ACO2: variants seen among roughly 807,000 people sequenced by gnomAD.
ACO2 encodes aconitase 2.
A neutral mutation model predicts 84.5 loss-of-function variants in ACO2; 31 were observed. The observed-to-expected ratio is 0.37, with a 90% CI of 0.28 to 0.50. The LOEUF (loss-of-function observed/expected upper bound fraction) is 0.50. Among genes scored for constraint, ACO2 ranks in the 20% least tolerant of loss-of-function variants. ACO2 has a pLI of 0.97. For synonymous variants in ACO2, 414 were observed against 412.7 expected (o/e 1.00, Z -0.04); for missense variants, 685 against 1,029.3 (o/e 0.67, Z 4.58).
In ACO2 at chr22:41,526,349, C is replaced by T. The variant is rs2066595648; in HGVS notation, c.1849C>T (p.Leu617=). 1 of 1,613,432 alleles carries T rather than the reference C, an allele frequency of 6.2e-7. No individual in the cohort carries two copies. Among genetic ancestry groups the T allele is most frequent in the African/African-American group, 1.3e-5 (1 of 74,936 alleles). The change falls in exon 15 of 18, where the codon CTG becomes TTG. Residue 617 remains leucine (L), a synonymous_variant. Transcript: ENST00000216254. ...GCACTTGGATAACATCTCCAACAACCTGCTCATTGGTGCCATCAACATTGA... is the reference window on the plus strand; with the variant it reads ...GCACTTGGATAACATCTCCAACAACTTGCTCATTGGTGCCATCAACATTGA... ...RGHLDNISNN[L]LIGAINIENG...
intron 1 of ACO2, among the ~76,000 whole-genome samples, chr22:41,480,032 G>C (rs1416409868): frequency 6.6e-6 from 1 of 152,190 alleles, no homozygotes; most frequent in African/African-American, 2.4e-5. Flanking sequence ...CAGTTGCATA[G>C]CAACCAAGCT....
At chr22:41,523,744 G>A (rs1172047626) in intron 11 of ACO2, 86 bp from the exon 12 acceptor site, 42 of 1,257,770 alleles carry the variant, frequency 3.3e-5, no homozygotes, top group Non-Finnish European at 4.3e-5. Context: ...GCTGGGCTGC[G>A]CCACAGGAAC....
rs1324314056 is a variant in ACO2, at chr22:41,524,608, G to A, written c.1483-238G>A. Among the ~76,000 whole-genome samples, 5 of 152,226 alleles carry A rather than the reference G, an allele frequency of 3.3e-5. No homozygotes were observed. In the East Asian group the frequency reaches 7.7e-4, roughly 23 times the overall value. On this transcript the variant is annotated intron_variant, in intron 12 of 17. Transcript: ENST00000216254. ...GGAGAGAGAACAGCACTGCCGGCCC[G>A]GCCCTGCAGGGATGGGAGAGGCCGC...
In ACO2 at chr22:41,507,941, C is replaced by A; in HGVS notation, c.324C>A (p.Leu108=). 1 of 1,614,230 alleles carries A rather than the reference C, an allele frequency of 6.2e-7. No individual in the cohort carries two copies. Among genetic ancestry groups the A allele is most frequent in the Non-Finnish European group, 8.5e-7 (1 of 1,180,042 alleles). ...ATGCGACGGCCCAGATGGCCATGCT[C>A]CAGTTCATCAGCAGCGGGCTGTCCA... ...MQDATAQMAM[L]QFISSGLSKV... The change falls in exon 3 of 18, where the codon CTC becomes CTA. Residue 108 remains leucine, a synonymous_variant. Transcript: ENST00000216254.
intron 1 of ACO2, among the ~76,000 whole-genome samples, chr22:41,471,890 C>T (rs1471057142): frequency 1.3e-5 from 2 of 152,124 alleles, no homozygotes; most frequent in South Asian, 2.1e-4. Context: ...ATTTGAATAC[C>T]GTAATGACTC....
At position 41,497,649 on chromosome 22, in the gene ACO2, G is replaced by T. The variant is rs138794668; in HGVS notation, c.37-2077G>T. Among the ~76,000 whole-genome samples, 128 of 152,248 alleles carry T rather than the reference G, an allele frequency of 8.4e-4. 5 individuals carry two copies. The East Asian group carries it at 0.022, about 26-fold the overall frequency. ...TGTAATCCTAGCACTTTGGGAGGCC[G>T]AGGCAGGTGGATCACCTGAGGTCAG... On this transcript the variant is annotated intron_variant, in intron 1 of 17. Transcript: ENST00000216254.
Position 41,527,836 on chromosome 22 carries a change from G to A in ACO2, c.2087-65G>A, listed in dbSNP as rs1054580174. 4 of 1,612,198 alleles carry A rather than the reference G, an allele frequency of 2.5e-6. No homozygotes were observed. In the African/African-American group the frequency reaches 4.0e-5, roughly 16 times the overall value. ...GGGCATCTCCCAGAGCCCCAGATGG[G>A]TTCAGAAAATGAAGCTCTCCAGGCT... On this transcript the variant is annotated intron_variant, in intron 16 of 17. Coordinates refer to ENST00000216254, the MANE Select transcript of ACO2 (RefSeq NM_001098.3).
rs376440424 is a variant in ACO2 at position 41,528,460 on chromosome 22, A to T, written c.2209-19A>T. Reference sequence around the variant, plus strand: ...CACAGTACCCACCACTTCCACCCACACCCACCTTCTCCTTGCAGCCCCTGA... The same window carrying T: ...CACAGTACCCACCACTTCCACCCACTCCCACCTTCTCCTTGCAGCCCCTGA... On this transcript the variant is annotated intron_variant, in intron 17 of 17. Transcript: ENST00000216254. The T allele has an allele frequency of 4.3e-6, 7 of 1,610,654 alleles. No individual in the cohort carries two copies. In the African/African-American group the frequency reaches 6.7e-5, roughly 15 times the overall value.
intron 11 of ACO2, 89 bp downstream of exon 11, chr22:41,523,367 A>G (rs1042255265): frequency 5.8e-6 from 6 of 1,042,086 alleles, no homozygotes; most frequent in Non-Finnish European, 8.4e-6. Context: ...GGGTGGAGAG[A>G]AGAGACTCCA....
chr22:41,469,822 A>G (rs1486736359), intron 1 of ACO2, among the ~76,000 whole-genome samples: 1 of 94,564 alleles, frequency 1.1e-5, no homozygotes, highest in Non-Finnish European at 2.3e-5. Context: ...CGTAGGAATG[A>G]GGTGGTTTTT....
intron 1 of ACO2, chr22:41,469,445 A>T: frequency 4.4e-6 from 2 of 455,100 alleles, no homozygotes; most frequent in Non-Finnish European, 7.8e-6. Context: ...GAGCGGAGGC[A>T]CCTCTTTCTT....
intron 1 of ACO2, among the ~76,000 whole-genome samples, chr22:41,493,167 G>A (rs1643013540): frequency 6.6e-6 from 1 of 152,064 alleles, no homozygotes; most frequent in South Asian, 2.1e-4. Context: ...GCATTAATCC[G>A]GTCATGAGGG....
At chr22:41,491,696 T>C (rs962937533) in intron 1 of ACO2, among the ~76,000 whole-genome samples, 2 of 152,220 alleles carry the variant, frequency 1.3e-5, no homozygotes, top group African/African-American at 4.8e-5. Flanking sequence ...AACAATATAG[T>C]ATAACACATG....
intron 1 of ACO2, among the ~76,000 whole-genome samples, chr22:41,476,499 G>A (rs2146079412): frequency 6.6e-6 from 1 of 151,584 alleles, no homozygotes; most frequent in Non-Finnish European, 1.5e-5. Flanking sequence ...CCTGAGGTCA[G>A]GAGTTTGAGA....
At chr22:41,483,866 A>G (rs1343709371) in intron 1 of ACO2, among the ~76,000 whole-genome samples, 7 of 152,094 alleles carry the variant, frequency 4.6e-5, no homozygotes, top group Non-Finnish European at 5.9e-5. Flanking sequence ...CAAGAATCCA[A>G]CTCAAGAGGA....
chr22:41,517,644 G>A lies in ACO2; in HGVS notation c.940+13G>A, dbSNP rs949313271. 4.3e-6 allele frequency: 7 copies of A among 1,610,828 alleles called. No homozygotes were observed. In the African/African-American group the frequency reaches 8.0e-5, roughly 18 times the overall value. On this transcript the variant is annotated intron_variant, in intron 7 of 17. Coordinates refer to ENST00000216254, the MANE Select transcript of ACO2 (RefSeq NM_001098.3). ...ACCGGCCGGGAAGGTGAGCTGGCAG[G>A]GGCAGGCCCGTGTGGGTGGAACAGT...
rs776056323 is a variant in ACO2, at chr22:41,528,604, G to C, written c.2334G>C (p.Leu778=). Residue 778 remains leucine, a synonymous_variant, in exon 18 of 18, where the codon CTG becomes CTC. Coordinates refer to ENST00000216254, the MANE Select transcript of ACO2 (RefSeq NM_001098.3). ...GTGCCCTCAACAGAATGAAGGAACT[G>C]CAACAGTGAGGGCAGTGCCTCCCCG... The part of the protein sequence containing the change: ...AGSALNRMKE[L]QQ 7 of 1,609,420 alleles carry C rather than the reference G, an allele frequency of 4.3e-6. No homozygotes were observed. The highest frequency in any genetic ancestry group is 1.7e-5 in the Admixed American group (1 of 59,930).
chr22:41,528,102 G>A (rs2066642740), intron 17 of ACO2, 80 bp downstream of exon 17: 1 of 1,590,406 alleles, frequency 6.3e-7, no homozygotes, highest in Admixed American at 1.7e-5. Context: ...CCCCAGGGTA[G>A]CTTCTCCCAG....
chr22:41,507,096 G>A lies in ACO2; in HGVS notation c.174-695G>A, dbSNP rs535998813. Among the ~76,000 whole-genome samples, 9 of 152,192 alleles carry A rather than the reference G, an allele frequency of 5.9e-5. No homozygotes were observed. The South Asian group carries it at 1.0e-3, about 18-fold the overall frequency. ...TGAGGAAGGGAGGGGTGGGGCCTCC[G>A]GGGAAATGGGGTCTAGGAGGAGGAG... On this transcript the variant is annotated intron_variant, in intron 2 of 17. Transcript: ENST00000216254.
Sources: allele counts gnomAD v4.1 joint callset (sites outside exome capture counted in the v4.1 genomes callset), GRCh38; gene constraint gnomAD v4.1.1; transcripts MANE v1.5; gene names NCBI Gene and HGNC (gene_info 2026-07-23, HGNC 2026-07-21).